The following PITPNM1 variants were observed in gnomAD, a reference collection of about 807,000 sequenced individuals.
PITPNM1 encodes the protein membrane-associated phosphatidylinositol transfer protein 1.
Under a neutral mutation model 133.3 loss-of-function variants are expected in PITPNM1, and 74 were observed. That is an observed-to-expected ratio of 0.56 (90% CI 0.46 to 0.67). The LOEUF (loss-of-function observed/expected upper bound fraction) is 0.67. Ranked by LOEUF, PITPNM1 falls within the 30% of genes least tolerant of loss-of-function variation. PITPNM1 has a pLI of 0.00. For missense variants in PITPNM1, 1,398 were observed against 1,739.5 expected (o/e 0.80, Z 3.49); for synonymous variants, 738 against 741.4 (o/e 1.00, Z 0.08).
At position 67,494,762 on chromosome 11, in the gene PITPNM1, G is replaced by C. The variant is rs1382743571; in HGVS notation, c.2742+84C>G. 1.4e-5 allele frequency: 11 copies of C among 810,384 alleles called. No individual in the cohort carries two copies. In the East Asian group the frequency reaches 2.5e-4, roughly 18 times the overall value. 50.2% of individuals were successfully genotyped at this position (810,384 alleles called of 1,614,324 possible). On this transcript the variant is annotated intron_variant, in intron 18 of 23. Transcript: ENST00000356404. Reference sequence around the variant, plus strand: ...GGATCGGCTAGGACCCGAGGAGGGGGGTGCTGGGGGGAGGGGCGGGGCCTC... The same window carrying C: ...GGATCGGCTAGGACCCGAGGAGGGGCGTGCTGGGGGGAGGGGCGGGGCCTC...
intron 22 of PITPNM1, 36 bp downstream of exon 22, chr11:67,493,374 G>A (rs1195415069): frequency 1.3e-6 from 2 of 1,521,860 alleles, no homozygotes; most frequent in Non-Finnish European, 1.8e-6. Flanking sequence ...GAGCGGGGGC[G>A]GGGTCAGGAC....
upstream of PITPNM1, chr11:67,505,502 C>T: frequency 6.6e-6 from 1 of 152,410 alleles, no homozygotes; most frequent in Non-Finnish European, 1.5e-5. The surrounding 1 kb of genome is among the most constrained non-coding windows in gnomAD (Gnocchi z 5.8). Flanking sequence ...CCCTGCCTTC[C>T]TTCCCCCGGG....
In PITPNM1 at chr11:67,494,899, G is replaced by T. The variant is rs760904880; in HGVS notation, c.2689C>A (p.Pro897Thr). 1 of 1,613,048 alleles carries T rather than the reference G, an allele frequency of 6.2e-7. No homozygotes were observed. The highest frequency in any genetic ancestry group is 1.1e-5 in the South Asian group (1 of 91,088). The change falls in exon 18 of 24, where the codon CCG (proline) becomes ACG (threonine). Residue 897 changes from proline (P) to threonine (T), a missense_variant. Physicochemically the swap from Pro to Thr is conservative, Grantham distance 38 (BLOSUM62 -1). Coordinates refer to ENST00000356404, the MANE Select transcript of PITPNM1 (RefSeq NM_004910.3). Reference sequence around the variant, plus strand: ...TGCCACTTCTCCCTGGGGAAGGCCGGGCTGTAGATGGACGGCTCCTCGCAT... The same window carrying T: ...TGCCACTTCTCCCTGGGGAAGGCCGTGCTGTAGATGGACGGCTCCTCGCAT... ...AECEEPSIYS[P>T]AFPREKWQRK...
chr11:67,495,212 C>T lies in PITPNM1; in HGVS notation c.2496G>A (p.Trp832Ter). 1 of 1,602,114 alleles carries T rather than the reference C, an allele frequency of 6.2e-7. No individual in the cohort carries two copies. Among genetic ancestry groups the T allele is most frequent in the Admixed American group, 1.7e-5 (1 of 59,654 alleles). ...TSEVVKILER[W>*]WGTKRIDYSL... is the part of the protein sequence containing the mutation. ...AGTAGTCGATCCGCTTGGTCCCCCACCAGCGCTCCAGGACTGCGCGGCCAT... is the reference window on the plus strand; with the variant it reads ...AGTAGTCGATCCGCTTGGTCCCCCATCAGCGCTCCAGGACTGCGCGGCCAT... Residue 832 changes from tryptophan to a stop codon, truncating the protein, a stop_gained, in exon 17 of 24, where the codon TGG becomes TGA. Coordinates refer to ENST00000356404, the MANE Select transcript of PITPNM1 (RefSeq NM_004910.3). LOFTEE classifies it high-confidence loss of function.
chr11:67,494,940 C>G lies in PITPNM1; in HGVS notation c.2648G>C (p.Arg883Pro). 1 of 1,612,648 alleles carries G rather than the reference C, an allele frequency of 6.2e-7. No individual in the cohort carries two copies. Among genetic ancestry groups the G allele is most frequent in the Non-Finnish European group, 8.5e-7 (1 of 1,179,766 alleles). ...CTCCTCGCATTCCGCCAGCTGTGGC[C>G]GCTCCTTCTCGATCACCTGCACGGG... ...FILRQVIEKE[R>P]PQLAECEEPS... The change falls in exon 18 of 24, where the codon CGG becomes CCG. Residue 883 changes from arginine (R) to proline (P), a missense_variant. Around this residue, in one of 5 missense-constraint regions of PITPNM1, gnomAD observed 574 missense variants for 698.7 expected, o/e 0.82. Coordinates refer to ENST00000356404, the MANE Select transcript of PITPNM1 (RefSeq NM_004910.3).
At chr11:67,499,508 T>C (rs1866243272) in intron 8 of PITPNM1, 2 of 153,296 alleles carry the variant, frequency 1.3e-5, no homozygotes, top group South Asian at 4.0e-4. Flanking sequence ...AATTCCTTCA[T>C]TCTTAGTGCT....
In PITPNM1 at chr11:67,497,663, G is replaced by A. The variant is rs532122322; in HGVS notation, c.1799C>T (p.Ser600Phe). ...GTCCCGCACTGGGCCAAACTCCGGA[G>A]AGAGCAGCTCATTGTTCTGGATGGA... ...RRGSMNNELL[S>F]PEFGPVRDPL... The change falls in exon 13 of 24, where the codon TCT (serine) becomes TTT (phenylalanine). Residue 600 changes from serine to phenylalanine, a missense_variant. Physicochemically the swap from Ser to Phe is radical, Grantham distance 155 (BLOSUM62 -2). Transcript: ENST00000356404. 3.0e-5 allele frequency: 48 copies of A among 1,610,894 alleles called. No homozygotes were observed. The highest frequency in any genetic ancestry group is 1.6e-4 in the Middle Eastern group (1 of 6,068).
chr11:67,495,615 G>A lies in PITPNM1; in HGVS notation c.2318-13C>T, dbSNP rs1460303327. The stretch of plus-strand genomic sequence containing the variant: ...TGCAGAGTGTCGGCTGGGGGAAGGA[G>A]GGCAAGGTCAGCAGGGGCCGGCCAG... On this transcript the variant is annotated splice_polypyrimidine_tract_variant and intron_variant, in intron 15 of 23. Transcript: ENST00000356404. The A allele has an allele frequency of 1.3e-6, 2 of 1,557,332 alleles. No individual in the cohort carries two copies. Among genetic ancestry groups the A allele is most frequent in the Admixed American group, 2.2e-5 (1 of 45,678 alleles).
chr11:67,491,775 C>T lies in PITPNM1; in HGVS notation c.*258G>A, dbSNP rs991006769. The T allele has an allele frequency of 6.1e-6, 3 of 493,842 alleles. No individual in the cohort carries two copies. The highest frequency in any genetic ancestry group is 1.1e-5 in the Non-Finnish European group (3 of 277,322). 30.6% of individuals were successfully genotyped at this position (493,842 alleles called of 1,614,324 possible). On this transcript the variant is annotated 3_prime_UTR_variant, in exon 24 of 24. Coordinates refer to ENST00000356404, the MANE Select transcript of PITPNM1 (RefSeq NM_004910.3). ...AGGCATGGGGTGAGTGGGTGGGGTG[C>T]AGGTGGCGTTTATTTTCATGGATTT...
Position 67,497,424 on chromosome 11 carries a change from G to A in PITPNM1, c.1953C>T (p.Ala651=). The A allele has an allele frequency of 6.3e-7, 1 of 1,590,296 alleles. No individual in the cohort carries two copies. The highest frequency in any genetic ancestry group is 8.6e-7 in the Non-Finnish European group (1 of 1,166,234). The stretch of plus-strand genomic sequence containing the variant: ...GCTCCCAGGAGGAGGTGGTTGCGGG[G>A]GCTGCCTGAAGGCTGTGGGGGAGGA... ...PEGSQNSLQA[A]PATTSSWEPR... The change falls in exon 14 of 24, where the codon GCC becomes GCT. Residue 651 remains alanine (A), a synonymous_variant. Coordinates refer to ENST00000356404, the MANE Select transcript of PITPNM1 (RefSeq NM_004910.3).
intron 5 of PITPNM1, among the ~76,000 whole-genome samples, chr11:67,501,387 C>T (rs564800001): frequency 2.2e-4 from 33 of 152,128 alleles, no homozygotes; most frequent in African/African-American, 1.2e-4. Context: ...GAATTGTAGG[C>T]GTGGTGGGGT....
At chr11:67,506,123 T>C (rs1209889379), upstream of PITPNM1, 1 of 152,508 alleles carries the variant, frequency 6.6e-6, no homozygotes, top group African/African-American at 2.4e-5. Context: ...TCAGGGCTGA[T>C]TCAGAGGCTG....
chr11:67,498,868 A>C lies in PITPNM1; in HGVS notation c.1234-22T>G. 6.2e-7 allele frequency: 1 copy of C among 1,608,980 alleles called. No individual in the cohort carries two copies. Among genetic ancestry groups the C allele is most frequent in the South Asian group, 1.1e-5 (1 of 91,006 alleles). On this transcript the variant is annotated intron_variant, in intron 9 of 23. Transcript: ENST00000356404. The surrounding 1 kb of genome is among the most constrained non-coding windows in gnomAD (Gnocchi z 5.7). Reference sequence around the variant, plus strand: ...GGCCCTGGGGGGAACAATGGGGTGCAGTGGGTGTCACAGCAGTGGCCGGGC... The same window carrying C: ...GGCCCTGGGGGGAACAATGGGGTGCCGTGGGTGTCACAGCAGTGGCCGGGC...
Position 67,497,930 on chromosome 11 carries a change from C to T in PITPNM1, c.1769G>A (p.Arg590His), listed in dbSNP as rs753540805. Residue 590 changes from arginine to histidine, a missense_variant, in exon 12 of 24, where the codon CGC becomes CAC. Physicochemically the swap from Arg to His is conservative, Grantham distance 29 (BLOSUM62 0). This residue lies in a region of PITPNM1 where 574 missense variants were observed against 698.7 expected (regional missense o/e 0.82). Transcript: ENST00000356404. ...NAGTGSRGSS[R>H]RGSMNNELLS... ...GGCTATACTGACCATGCTCCCACGG[C>T]GGCTGCTGCCCCGACTCCCGGTGCC... 6.8e-6 allele frequency: 11 copies of T among 1,610,404 alleles called. No homozygotes were observed. The East Asian group carries it at 1.3e-4, about 20-fold the overall frequency.
chr11:67,495,468 C>T lies in PITPNM1; in HGVS notation c.2452G>A (p.Ala818Thr), dbSNP rs1350486023. 6 of 1,544,688 alleles carry T rather than the reference C, an allele frequency of 3.9e-6. No homozygotes were observed. The highest frequency in any genetic ancestry group is 3.6e-5 in the South Asian group (3 of 82,978). Residue 818 changes from alanine to threonine, a missense_variant, in exon 16 of 24, where the codon GCC becomes ACC. Physicochemically the swap from Ala to Thr is moderately conservative, Grantham distance 58. This residue lies in a region of PITPNM1 where 574 missense variants were observed against 698.7 expected (regional missense o/e 0.82). Transcript: ENST00000356404. ...ACCACCTCACTGGTGGTGCTGGGGG[C>T]GGCTGGCTGGGCCGGGGGGTCAGTG... ...LATDPPAQPA[A>T]PSTTSEVVKI...
Position 67,500,203 on chromosome 11 carries a change from T to A in PITPNM1, c.859A>T (p.Thr287Ser). 1 of 1,603,392 alleles carries A rather than the reference T, an allele frequency of 6.2e-7. No homozygotes were observed. Among genetic ancestry groups the A allele is most frequent in the Non-Finnish European group, 8.5e-7 (1 of 1,178,816 alleles). Residue 287 changes from threonine (T) to serine (S), a missense_variant, in exon 6 of 24, where the codon ACC becomes TCC. By Grantham distance (58) the Thr-to-Ser change is moderately conservative. Coordinates refer to ENST00000356404, the MANE Select transcript of PITPNM1 (RefSeq NM_004910.3). ...EARSAASNTG[T>S]PDGPEAPPGP... Reference sequence around the variant, plus strand: ...GGGGGGGCCTCAGGCCCATCGGGGGTGCCAGTGTTGCTGGCCGCAGACCGG... The same window carrying A: ...GGGGGGGCCTCAGGCCCATCGGGGGAGCCAGTGTTGCTGGCCGCAGACCGG...
rs753205333 is a variant in PITPNM1, at chr11:67,497,618, T to G, written c.1844A>C (p.Glu615Ala). The stretch of plus-strand genomic sequence containing the variant: ...TTCTGGGCTGCCCCGACCCAGGCCT[T>G]CCACACCATCTGCCAGGGGGTCCCG... ...PVRDPLADGV[E>A]GLGRGSPEPS... is the part of the protein sequence containing the mutation. The change falls in exon 13 of 24, where the codon GAA (glutamate) becomes GCA (alanine). Residue 615 changes from glutamate to alanine, a missense_variant. Around this residue, in one of 5 missense-constraint regions of PITPNM1, gnomAD observed 574 missense variants for 698.7 expected, o/e 0.82. Transcript: ENST00000356404. 6 of 1,607,292 alleles carry G rather than the reference T, an allele frequency of 3.7e-6. No individual in the cohort carries two copies. The highest frequency in any genetic ancestry group is 5.1e-6 in the Non-Finnish European group (6 of 1,178,266).
chr11:67,496,322 G>T lies in PITPNM1; in HGVS notation c.2173C>A (p.Gln725Lys). Residue 725 changes from glutamine to lysine, a missense_variant, in exon 15 of 24, where the codon CAG becomes AAG. Physicochemically the swap from Gln to Lys is moderately conservative, Grantham distance 53. This residue lies in a region of PITPNM1 where 574 missense variants were observed against 698.7 expected (regional missense o/e 0.82). Coordinates refer to ENST00000356404, the MANE Select transcript of PITPNM1 (RefSeq NM_004910.3). ...EAAQMRPACE[Q>K]IYNLFHAADP... is the part of the protein sequence containing the mutation. The stretch of plus-strand genomic sequence containing the variant: ...GCCGCGTGGAAGAGGTTGTAGATCT[G>T]TTCACAGGCTGGGCGCATCTGGGCT... 6.3e-7 allele frequency: 1 copy of T among 1,583,008 alleles called. No homozygotes were observed.
chr11:67,501,816 C>A, intron 5 of PITPNM1, 46 bp downstream of exon 5: 1 of 1,522,388 alleles, frequency 6.6e-7, no homozygotes, highest in Non-Finnish European at 9.1e-7. Context: ...AACATGGGGT[C>A]TGGGGCATGC....
Sources: gnomAD v4.1 joint callset for allele counts (sites outside exome capture counted in the v4.1 genomes callset) on GRCh38, gnomAD v4.1.1 for gene constraint, gnomAD v4.1.1 regional missense constraint, Gnocchi (gnomAD v3.1) non-coding constraint, MANE v1.5 for transcripts, NCBI Gene and HGNC (gene_info 2026-07-23, HGNC 2026-07-21) for gene names.